SCARA3: variants seen among roughly 807,000 people sequenced by gnomAD.
SCARA3 encodes scavenger receptor class A member 3, also known as cellular stress response gene protein.
In SCARA3, 39 loss-of-function variants were observed where a neutral mutation model predicts 47.0. The ratio of observed to expected loss-of-function variants is 0.83; its 90% CI spans 0.64 to 1.08. SCARA3 has a LOEUF of 1.08. Among genes scored for constraint, SCARA3 ranks in the 50% least tolerant of loss-of-function variants. The pLI, the probability that SCARA3 is intolerant of heterozygous loss-of-function variation, is 0.00. For missense variants in SCARA3, 724 were observed against 792.3 expected, an observed-to-expected ratio of 0.91 and a Z score of 1.04; for synonymous variants, 356 against 334.1, an observed-to-expected ratio of 1.07 and a Z score of -0.71.
intron 5 of SCARA3, among the ~76,000 whole-genome samples, chr8:27,668,253 A>T (rs886549732): frequency 6.6e-5 from 10 of 152,300 alleles, no homozygotes; most frequent in Non-Finnish European, 1.3e-4. Context: ...CTTAGAAATC[A>T]CAGATAGCCG....
chr8:27,712,220 T>C, the SCARA3 span, among the ~76,000 whole-genome samples: 29,746 of 152,080 alleles, frequency 0.2, 2,991 homozygotes, highest in Middle Eastern at 0.23. Flanking sequence ...AATCATACAG[T>C]ATGTATGCTT....
At chr8:27,635,912 A>C (rs1801240710) in intron 1 of SCARA3, among the ~76,000 whole-genome samples, 1 of 152,022 alleles carries the variant, frequency 6.6e-6, no homozygotes, top group Non-Finnish European at 1.5e-5. Context: ...AGACCCCAGG[A>C]CTCCTGACTT....
At chr8:27,678,924 A>C (rs1802317257), downstream of SCARA3, among the ~76,000 whole-genome samples, 1 of 152,206 alleles carries the variant, frequency 6.6e-6, no homozygotes, top group Admixed American at 6.5e-5. Context: ...GTGGTGGCTC[A>C]CGCCTGTAAT....
chr8:27,644,053 G>A (rs867233053), intron 1 of SCARA3, among the ~76,000 whole-genome samples: 6 of 151,966 alleles, frequency 3.9e-5, no homozygotes, highest in Admixed American at 6.6e-5. Flanking sequence ...AACTTGCTAC[G>A]TGGCTCTGTG....
chr8:27,681,505 C>G (rs986248816), downstream of SCARA3, among the ~76,000 whole-genome samples: 1 of 152,078 alleles, frequency 6.6e-6, no homozygotes, highest in African/African-American at 2.4e-5. Flanking sequence ...AGGAGGCTCA[C>G]TTGAGGCCAA....
the SCARA3 span, among the ~76,000 whole-genome samples, chr8:27,694,375 T>C: frequency 6.6e-6 from 1 of 151,948 alleles, no homozygotes; most frequent in Admixed American, 6.6e-5. Context: ...CCACATACAC[T>C]CTTACCAGCA....
At chr8:27,676,631 C>A, downstream of SCARA3, 1 of 1,274,118 alleles carries the variant, frequency 7.8e-7, no homozygotes, top group Middle Eastern at 1.8e-4. Flanking sequence ...CCAGGATGAC[C>A]AAGAATATAA....
chr8:27,720,110 T>C, the SCARA3 span, among the ~76,000 whole-genome samples: 1 of 151,850 alleles, frequency 6.6e-6, no homozygotes, highest in African/African-American at 2.4e-5. Flanking sequence ...TAACTGCAGT[T>C]GGAGAGGTTA....
downstream of SCARA3, among the ~76,000 whole-genome samples, chr8:27,677,161 C>A (rs1220333252): frequency 6.6e-6 from 1 of 152,206 alleles, no homozygotes; most frequent in Non-Finnish European, 1.5e-5. Context: ...CAACTAGCTT[C>A]CCCATACTGC....
chr8:27,665,318 G>A (rs1012253388), intron 5 of SCARA3, among the ~76,000 whole-genome samples: 1 of 152,122 alleles, frequency 6.6e-6, no homozygotes, highest in Admixed American at 6.5e-5. Context: ...TTAATTCTAA[G>A]CCCCCATTTA....
chr8:27,695,523 A>G, the SCARA3 span, among the ~76,000 whole-genome samples: 117 of 152,338 alleles, frequency 7.7e-4, no homozygotes, highest in African/African-American at 2.5e-3. Context: ...ATAAACCAGA[A>G]AAATGTGACC....
the SCARA3 span, among the ~76,000 whole-genome samples, chr8:27,727,915 G>A: frequency 4.6e-5 from 7 of 152,154 alleles, no homozygotes; most frequent in Admixed American, 1.3e-4. Flanking sequence ...GGGAATCCAC[G>A]GGCCCAGGAA....
chr8:27,659,260 A>G lies in SCARA3; in HGVS notation c.1090A>G (p.Ile364Val), dbSNP rs140412565. The change falls in exon 5 of 6, where the codon ATC (isoleucine) becomes GTC (valine). Residue 364 changes from isoleucine to valine, a missense_variant. Physicochemically the swap from Ile to Val is conservative, Grantham distance 29 (BLOSUM62 3). Coordinates refer to ENST00000301904, the MANE Select transcript of SCARA3 (RefSeq NM_016240.3). The part of the protein sequence containing the change: ...EIEIGTIFTN[I>V]NATDNHVHSM... ...TGAAATTGGCACCATCTTCACCAAC[A>G]TCAATGCCACCGACAACCACGTGCA... The G allele has an allele frequency of 7.4e-5, 120 of 1,614,026 alleles. 3 individuals are homozygous for G. In the South Asian group the frequency reaches 1.2e-3, roughly 16 times the overall value.
chr8:27,642,506 G>A (rs1801404250), intron 1 of SCARA3, among the ~76,000 whole-genome samples: 1 of 152,150 alleles, frequency 6.6e-6, no homozygotes, highest in African/African-American at 2.4e-5. Context: ...CAGGATCAGG[G>A]GTGACAACGG....
intron 1 of SCARA3, among the ~76,000 whole-genome samples, chr8:27,646,972 G>GCCCCCCCCCCCCCCCCCCCCCC (rs757314343): frequency 4.3e-5 from 1 of 23,482 alleles, no homozygotes; most frequent in African/African-American, 1.7e-4. Context: ...GACCGCCCCC[G>GCCCCCCCCCCCCCCCCCCCCCC]CCCCCCCCCC....
At chr8:27,716,034 A>G in the SCARA3 span, among the ~76,000 whole-genome samples, 7 of 152,100 alleles carry the variant, frequency 4.6e-5, no homozygotes, top group Non-Finnish European at 7.4e-5. Flanking sequence ...GGCTGGGTGC[A>G]GTGGCTCATG....
chr8:27,686,033 A>G, the SCARA3 span, among the ~76,000 whole-genome samples: 1 of 152,260 alleles, frequency 6.6e-6, no homozygotes, highest in Non-Finnish European at 1.5e-5. Context: ...CATCAACCAA[A>G]TGCAATGTGC....
At chr8:27,686,107 A>G in the SCARA3 span, among the ~76,000 whole-genome samples, 1 of 152,212 alleles carries the variant, frequency 6.6e-6, no homozygotes, top group South Asian at 2.1e-4. Flanking sequence ...TAAGAAAATC[A>G]TAGAAATTTG....
the SCARA3 span, among the ~76,000 whole-genome samples, chr8:27,690,877 C>G: frequency 6.6e-6 from 1 of 151,960 alleles, no homozygotes; most frequent in Admixed American, 6.6e-5. Context: ...GAGAGGAGGT[C>G]TCTGTATATT....
Sources: gnomAD v4.1 joint callset for allele counts (sites outside exome capture counted in the v4.1 genomes callset) on GRCh38, gnomAD v4.1.1 for gene constraint, MANE v1.5 for transcripts, NCBI Gene and HGNC (gene_info 2026-07-23, HGNC 2026-07-21) for gene names.